Variants in HSD17B12 observed in about 807,000 individuals in gnomAD.
HSD17B12 encodes the protein very-long-chain 3-oxoacyl-CoA reductase.
A neutral mutation model predicts 39.3 loss-of-function variants in HSD17B12; 32 were observed. That is an observed-to-expected ratio of 0.81 (90% confidence interval 0.61 to 1.09). The LOEUF (loss-of-function observed/expected upper bound fraction) is 1.09, where lower values mean the gene tolerates loss of function less well. Among genes scored for constraint, HSD17B12 ranks in the 50% least tolerant of loss-of-function variants. The probability of loss-of-function intolerance (pLI) is 0.00; values close to 1 mark genes in which losing one functional copy is unlikely to be tolerated. For missense variants in HSD17B12, 342 were observed against 382.9 expected, an observed-to-expected ratio of 0.89 and a Z score of 0.89; for synonymous variants, 150 against 146.7, an observed-to-expected ratio of 1.02 and a Z score of -0.16.
At chr11:43,579,826 C>G in the HSD17B12 span, among the ~76,000 whole-genome samples, 1 of 151,780 alleles carries the variant, frequency 6.6e-6, no homozygotes, top group Non-Finnish European at 1.5e-5. Flanking sequence ...GTGCCTCCAC[C>G]GTCGAGAGAC....
At chr11:43,557,679 A>G in the HSD17B12 span, among the ~76,000 whole-genome samples, 1 of 152,222 alleles carries the variant, frequency 6.6e-6, no homozygotes, top group Non-Finnish European at 1.5e-5. Flanking sequence ...TGTGTAGAGG[A>G]AAACCGCCTG....
the HSD17B12 span, among the ~76,000 whole-genome samples, chr11:43,670,729 A>G: frequency 1.3e-5 from 2 of 152,052 alleles, no homozygotes; most frequent in South Asian, 2.1e-4. Flanking sequence ...TGTCTCTACA[A>G]AAAATATTAG....
chr11:43,618,897 G>A, the HSD17B12 span, among the ~76,000 whole-genome samples: 1 of 151,824 alleles, frequency 6.6e-6, no homozygotes, highest in Non-Finnish European at 1.5e-5. Flanking sequence ...CAGTTTTATT[G>A]TCTTTGAATG....
At chr11:43,703,936 T>C (rs1216323762) in intron 1 of HSD17B12, among the ~76,000 whole-genome samples, 2 of 152,230 alleles carry the variant, frequency 1.3e-5, no homozygotes, top group Non-Finnish European at 2.9e-5. Flanking sequence ...TTTTATTTTC[T>C]TCTGCTAATT....
At chr11:43,568,700 A>G in the HSD17B12 span, among the ~76,000 whole-genome samples, 2 of 152,214 alleles carry the variant, frequency 1.3e-5, no homozygotes, top group Non-Finnish European at 2.9e-5. Flanking sequence ...TTAGGGGCAA[A>G]TGGCAGAATC....
chr11:43,663,876 T>A, the HSD17B12 span, among the ~76,000 whole-genome samples: 1 of 151,942 alleles, frequency 6.6e-6, no homozygotes, highest in East Asian at 1.9e-4. Flanking sequence ...TATTATTTTT[T>A]TTTTGAGATG....
the HSD17B12 span, among the ~76,000 whole-genome samples, chr11:43,588,610 C>G: frequency 1.4e-5 from 2 of 144,974 alleles, no homozygotes; most frequent in Non-Finnish European, 3.0e-5. Flanking sequence ...TTATTATTAG[C>G]TATTATTATT....
intron 1 of HSD17B12, among the ~76,000 whole-genome samples, chr11:43,706,423 A>G (rs1950015567): frequency 6.6e-6 from 1 of 152,126 alleles, no homozygotes; most frequent in South Asian, 2.1e-4. Context: ...CATGCTTTTA[A>G]TCCCAGCTAC....
chr11:43,775,967 C>T (rs961261963), intron 3 of HSD17B12, among the ~76,000 whole-genome samples: 43 of 152,220 alleles, frequency 2.8e-4, no homozygotes, highest in African/African-American at 9.6e-4. Context: ...CATAGTATTC[C>T]ATGGTGTATA....
chr11:43,767,215 A>AT (rs398075901), intron 3 of HSD17B12, among the ~76,000 whole-genome samples: 1 of 144,838 alleles, frequency 6.9e-6, no homozygotes. Flanking sequence ...AAAAAAAAAA[A>AT]ACACTTTTTT....
intron 1 of HSD17B12, among the ~76,000 whole-genome samples, chr11:43,694,731 G>A (rs1041714220): frequency 1.3e-5 from 2 of 152,030 alleles, no homozygotes; most frequent in African/African-American, 4.8e-5. Flanking sequence ...TATCATGGCA[G>A]TATTCAAATT....
the HSD17B12 span, among the ~76,000 whole-genome samples, chr11:43,563,417 C>T: frequency 6.6e-6 from 1 of 152,216 alleles, no homozygotes; most frequent in Non-Finnish European, 1.5e-5. Flanking sequence ...AATTTATCTG[C>T]TCAGTGTCCC....
chr11:43,556,748 C>T, the HSD17B12 span, among the ~76,000 whole-genome samples: 4 of 145,668 alleles, frequency 2.7e-5, no homozygotes, highest in African/African-American at 1.0e-4. Flanking sequence ...GCACTGAACG[C>T]GAACTGTTTT....
chr11:43,653,535 A>G, the HSD17B12 span, among the ~76,000 whole-genome samples: 1 of 151,916 alleles, frequency 6.6e-6, no homozygotes, highest in East Asian at 1.9e-4. Flanking sequence ...ATATCTCCTA[A>G]TGCTATCCCT....
At chr11:43,673,141 T>C in the HSD17B12 span, 2 of 152,214 alleles carry the variant, frequency 1.3e-5, no homozygotes, top group African/African-American at 4.8e-5. Context: ...AACAAGATGG[T>C]ATGCTTAATA....
intron 4 of HSD17B12, among the ~76,000 whole-genome samples, chr11:43,814,254 C>T (rs1397414346): frequency 1.3e-5 from 2 of 151,692 alleles, no homozygotes; most frequent in Non-Finnish European, 2.9e-5. Flanking sequence ...TCAAATTTCA[C>T]GAGTTTGAAT....
intron 3 of HSD17B12, among the ~76,000 whole-genome samples, chr11:43,767,108 T>G (rs1323472155): frequency 6.6e-6 from 1 of 152,178 alleles, no homozygotes; most frequent in Non-Finnish European, 1.5e-5. Flanking sequence ...AGACACTAGC[T>G]GTACCTCTCA....
At chr11:43,615,457 C>T in the HSD17B12 span, among the ~76,000 whole-genome samples, 1 of 152,214 alleles carries the variant, frequency 6.6e-6, no homozygotes, top group African/African-American at 2.4e-5. Context: ...TCTCTCTGCA[C>T]AGCTCTTTCT....
intron 3 of HSD17B12, among the ~76,000 whole-genome samples, chr11:43,797,737 G>A (rs1323783015): frequency 1.3e-5 from 2 of 152,154 alleles, no homozygotes; most frequent in Non-Finnish European, 1.5e-5. Context: ...AGAATACTGA[G>A]TTGTTTCTCA....
Sources: allele counts gnomAD v4.1 joint callset (sites outside exome capture counted in the v4.1 genomes callset), GRCh38; gene constraint gnomAD v4.1.1; transcripts MANE v1.5; gene names NCBI Gene and HGNC (gene_info 2026-07-23, HGNC 2026-07-21).